The following TRDN variants were observed in gnomAD, a reference collection of about 807,000 sequenced individuals.
TRDN encodes the protein triadin in skeletal muscle.
A neutral mutation model predicts 149.7 loss-of-function variants in TRDN; 161 were observed. The ratio of observed to expected loss-of-function variants is 1.08; its 90% CI spans 0.95 to 1.23. The LOEUF (loss-of-function observed/expected upper bound fraction) is 1.23, where lower values mean the gene tolerates loss of function less well. Ranked by LOEUF, TRDN falls within the 50% of genes most tolerant of loss-of-function variation. The pLI is 0.00. For missense variants in TRDN, 896 were observed against 823.5 expected (o/e 1.09, Z -1.08); for synonymous variants, 294 against 250.5 (o/e 1.17, Z -1.64).
intron 1 of TRDN, among the ~76,000 whole-genome samples, chr6:123,615,434 T>C (rs1390265180): frequency 1.3e-5 from 2 of 151,978 alleles, no homozygotes; most frequent in African/African-American, 4.8e-5. Flanking sequence ...AAAGCAAATG[T>C]GGTGTATGCG....
rs558651155 is a variant in TRDN at position 123,506,195 on chromosome 6, C to T, written c.611-2294G>A. The stretch of plus-strand genomic sequence containing the variant: ...CACCTAAAAAACACTTCTAGAGAGT[C>T]TATGTTGACCTGGGCTCACAGCTAG... On this transcript the variant is annotated intron_variant, in intron 7 of 40. Transcript: ENST00000334268. Among the ~76,000 whole-genome samples, 8 of 152,262 alleles carry T rather than the reference C, an allele frequency of 5.3e-5. No homozygotes were observed. The East Asian group carries it at 1.2e-3, about 22-fold the overall frequency.
chr6:123,552,024 G>GAA (rs143595871), intron 2 of TRDN, among the ~76,000 whole-genome samples: 12 of 150,236 alleles, frequency 8.0e-5, no homozygotes, highest in African/African-American at 2.9e-4. Context: ...ATTAAAACTG[G>GAA]AAAAAAAAAT....
chr6:123,470,300 G>A (rs1362378361), intron 9 of TRDN: 2 of 152,148 alleles, frequency 1.3e-5, no homozygotes, highest in Admixed American at 1.3e-4. Context: ...GGACAGACAG[G>A]AAACAGGCAA....
At chr6:123,464,450 T>C (rs1309773920) in intron 10 of TRDN, 2 of 962,018 alleles carry the variant, frequency 2.1e-6, no homozygotes, top group African/African-American at 3.5e-5. Flanking sequence ...GTGCTCTGCT[T>C]ATATCATCTT....
intron 23 of TRDN, among the ~76,000 whole-genome samples, chr6:123,320,844 A>G (rs1399687698): frequency 6.6e-6 from 1 of 151,892 alleles, no homozygotes; most frequent in Non-Finnish European, 1.5e-5. Flanking sequence ...TTTTCAAGCC[A>G]GTCTTTAAAT....
At chr6:123,629,799 T>C (rs775775161) in intron 1 of TRDN, among the ~76,000 whole-genome samples, 7 of 152,064 alleles carry the variant, frequency 4.6e-5, no homozygotes, top group Non-Finnish European at 8.8e-5. Flanking sequence ...GTTTGATGTT[T>C]AGAGAGCATT....
At chr6:123,573,952 T>A (rs990261490) in intron 1 of TRDN, among the ~76,000 whole-genome samples, 1 of 152,012 alleles carries the variant, frequency 6.6e-6, no homozygotes, top group African/African-American at 2.4e-5. Context: ...CTTACTCTTC[T>A]GGTTTCTTTA....
intron 38 of TRDN, among the ~76,000 whole-genome samples, chr6:123,238,213 T>C (rs916874129): frequency 5.3e-5 from 8 of 152,132 alleles, no homozygotes; most frequent in Non-Finnish European, 1.0e-4. Flanking sequence ...GGTAAACTAT[T>C]AAACTGGCAA....
intron 12 of TRDN, among the ~76,000 whole-genome samples, chr6:123,407,636 A>G (rs949758386): frequency 1.3e-5 from 2 of 152,040 alleles, no homozygotes; most frequent in African/African-American, 4.8e-5. Flanking sequence ...GTGACTATGG[A>G]CAATACATAC....
intron 10 of TRDN, among the ~76,000 whole-genome samples, chr6:123,457,109 CCTT>C (rs767148568): frequency 1.3e-5 from 2 of 152,180 alleles, no homozygotes; most frequent in Non-Finnish European, 2.9e-5. Flanking sequence ...ACTGTGTCAT[CCTT>C]CTTCTTTGGT....
chr6:123,345,192 T>A (rs1046350111), intron 21 of TRDN, among the ~76,000 whole-genome samples: 1 of 152,066 alleles, frequency 6.6e-6, no homozygotes, highest in East Asian at 1.9e-4. Flanking sequence ...TTTAGGTCTA[T>A]GATCCACTTT....
At chr6:123,571,204 C>T in intron 1 of TRDN, 72 bp from the exon 2 acceptor site, 1 of 1,501,546 alleles carries the variant, frequency 6.7e-7, no homozygotes, top group South Asian at 1.2e-5. Context: ...GAAACACTGA[C>T]TATATGAGTG....
intron 38 of TRDN, among the ~76,000 whole-genome samples, chr6:123,252,181 G>C (rs932860101): frequency 2.0e-5 from 3 of 151,528 alleles, no homozygotes; most frequent in Non-Finnish European, 4.4e-5. Context: ...TTATTTTCAG[G>C]CTTGAGAAAA....
At chr6:123,265,142 G>C (rs1191820375) in intron 33 of TRDN, among the ~76,000 whole-genome samples, 176 bp downstream of exon 33, 3 of 151,880 alleles carry the variant, frequency 2.0e-5, no homozygotes, top group Non-Finnish European at 4.4e-5. Context: ...TGTCTCCAAG[G>C]TATGCCTGTG....
intron 1 of TRDN, among the ~76,000 whole-genome samples, chr6:123,572,471 A>G (rs1169159149): frequency 6.9e-6 from 1 of 144,000 alleles, no homozygotes; most frequent in African/African-American, 2.4e-5. Flanking sequence ...GAGAGAAAAC[A>G]TGTCTCATTA....
chr6:123,325,798 G>T (rs1779428909), intron 23 of TRDN, among the ~76,000 whole-genome samples: 1 of 152,062 alleles, frequency 6.6e-6, no homozygotes, highest in South Asian at 2.1e-4. Context: ...TCTGAAAGGT[G>T]CCTTTTGGGA....
intron 12 of TRDN, among the ~76,000 whole-genome samples, chr6:123,411,011 T>C (rs1001930169): frequency 1.3e-5 from 2 of 150,448 alleles, no homozygotes; most frequent in African/African-American, 4.9e-5. Flanking sequence ...GTAGCTGTTA[T>C]TCAATAAGTT....
At chr6:123,567,997 G>C (rs183476202) in intron 2 of TRDN, among the ~76,000 whole-genome samples, 53 of 152,190 alleles carry the variant, frequency 3.5e-4, no homozygotes, top group African/African-American at 1.1e-3. Context: ...TTCCACCTAT[G>C]AGCCTGTAAA....
chr6:123,260,784 G>A, intron 33 of TRDN, 146 bp from the exon 34 acceptor site: 2 of 606,818 alleles, frequency 3.3e-6, no homozygotes, highest in South Asian at 5.0e-5. Flanking sequence ...ACTCAAAATG[G>A]CAAAGAAATG....
Sources: gnomAD v4.1 joint callset for allele counts (sites outside exome capture counted in the v4.1 genomes callset) on GRCh38, gnomAD v4.1.1 for gene constraint, MANE v1.5 for transcripts, NCBI Gene and HGNC (gene_info 2026-07-23, HGNC 2026-07-21) for gene names.